PHIP: variants seen among roughly 807,000 people sequenced by gnomAD.
PHIP encodes PHIP subunit of CUL4-Ring ligase complex, also known as PH-interacting protein.
Under a neutral mutation model 236.8 loss-of-function variants are expected in PHIP, and 54 were observed. The observed-to-expected ratio is 0.23, with a 90% CI of 0.18 to 0.29. The LOEUF is 0.29. Ranked by LOEUF, PHIP falls within the 10% of genes least tolerant of loss-of-function variation. PHIP has a pLI of 1.00. For missense variants in PHIP, 1,370 were observed against 2,190.8 expected, an observed-to-expected ratio of 0.63 and a Z score of 7.48; for synonymous variants, 756 against 718.9, an observed-to-expected ratio of 1.05 and a Z score of -0.83.
At chr6:79,001,768 G>A in intron 17 of PHIP, 131 bp downstream of exon 17, 4 of 625,588 alleles carry the variant, frequency 6.4e-6, no homozygotes. Context: ...TCAAAGACCT[G>A]TATAAAAGTA....
chr6:79,056,130 A>G (rs1219546520), intron 6 of PHIP, among the ~76,000 whole-genome samples: 1 of 152,226 alleles, frequency 6.6e-6, no homozygotes, highest in Non-Finnish European at 1.5e-5. Context: ...CTAACAGTAT[A>G]GTAGAGGAAA....
chr6:79,054,002 C>T (rs1772932948), intron 6 of PHIP, among the ~76,000 whole-genome samples: 1 of 151,706 alleles, frequency 6.6e-6, no homozygotes, highest in Non-Finnish European at 1.5e-5. Context: ...CAAAGTTTTG[C>T]CCCCTTTTTT....
intron 6 of PHIP, among the ~76,000 whole-genome samples, chr6:79,057,526 A>G (rs767918407): frequency 6.6e-6 from 1 of 152,128 alleles, no homozygotes; most frequent in Non-Finnish European, 1.5e-5. Flanking sequence ...TTATTTAAAG[A>G]AAAACTACTA....
intron 6 of PHIP, among the ~76,000 whole-genome samples, chr6:79,051,535 AT>A (rs1772796927): frequency 6.6e-6 from 1 of 152,176 alleles, no homozygotes; most frequent in African/African-American, 2.4e-5. Context: ...TAGATATTCA[AT>A]TTTGGTGTGT....
intron 39 of PHIP, among the ~76,000 whole-genome samples, chr6:78,941,787 T>A (rs996529530): frequency 6.6e-6 from 1 of 152,192 alleles, no homozygotes; most frequent in Non-Finnish European, 1.5e-5. Flanking sequence ...TAGGAAATAC[T>A]GATTATATAT....
chr6:79,015,560 C>A, intron 14 of PHIP, 70 bp downstream of exon 14: 1 of 1,166,284 alleles, frequency 8.6e-7, no homozygotes, highest in East Asian at 2.4e-5. Context: ...AGACTTTATT[C>A]CTCAATGAGA....
intron 4 of PHIP, among the ~76,000 whole-genome samples, chr6:79,069,374 G>C (rs1233083161): frequency 6.6e-6 from 1 of 151,806 alleles, no homozygotes; most frequent in Non-Finnish European, 1.5e-5. Flanking sequence ...TGCATTTTCT[G>C]ATTTTTTAAC....
At chr6:79,014,246 T>C (rs895217275) in intron 15 of PHIP, among the ~76,000 whole-genome samples, 31 of 151,742 alleles carry the variant, frequency 2.0e-4, no homozygotes, top group African/African-American at 7.2e-4. Flanking sequence ...CAAACCATGT[T>C]TCACAACTGT....
In PHIP at chr6:78,945,377, G is replaced by A. The variant is rs1312790134; in HGVS notation, c.4751C>T (p.Pro1584Leu). 1 of 1,613,428 alleles carries A rather than the reference G, an allele frequency of 6.2e-7. No homozygotes were observed. Among genetic ancestry groups the A allele is most frequent in the Non-Finnish European group, 8.5e-7 (1 of 1,179,546 alleles). Reference protein sequence around the residue: ...SAKENMEKEKPVKRKMKSSVL... With the variant: ...SAKENMEKEKLVKRKMKSSVL... Reference sequence around the variant, plus strand: ...AGATGACTTCATTTTACGTTTGACTGGCTTTTCCTTTTCCATGTTTTCTTT... The same window carrying A: ...AGATGACTTCATTTTACGTTTGACTAGCTTTTCCTTTTCCATGTTTTCTTT... Residue 1584 changes from proline to leucine, a missense_variant, in exon 39 of 40, where the codon CCA (proline) becomes CTA (leucine). Around this residue, in one of 14 missense-constraint regions of PHIP, gnomAD observed 309 missense variants for 328.3 expected, o/e 0.94. Coordinates refer to ENST00000275034, the MANE Select transcript of PHIP (RefSeq NM_017934.7).
intron 7 of PHIP, among the ~76,000 whole-genome samples, chr6:79,034,276 T>C (rs1562196049): frequency 6.6e-6 from 1 of 152,196 alleles, no homozygotes; most frequent in Non-Finnish European, 1.5e-5. Context: ...ACGTCTGTAT[T>C]AGCATTTTTC....
intron 9 of PHIP, among the ~76,000 whole-genome samples, chr6:79,024,771 A>C (rs1242917552): frequency 1.3e-5 from 2 of 152,120 alleles, no homozygotes; most frequent in African/African-American, 4.8e-5. Flanking sequence ...CGACACTGCA[A>C]TCCAGCCTGG....
chr6:78,994,289 T>A (rs1277128769), intron 19 of PHIP, among the ~76,000 whole-genome samples: 2 of 152,092 alleles, frequency 1.3e-5, no homozygotes. Flanking sequence ...GAAAACTATA[T>A]GAACTTGGCC....
At chr6:79,040,407 C>T (rs935807697) in intron 7 of PHIP, among the ~76,000 whole-genome samples, 3 of 152,204 alleles carry the variant, frequency 2.0e-5, no homozygotes, top group Admixed American at 6.6e-5. Context: ...AATATATATA[C>T]ACAAATATCT....
Position 78,990,885 on chromosome 6 carries a change from T to C in PHIP, c.2302A>G (p.Ile768Val), listed in dbSNP as rs1167821156. 1 of 1,578,738 alleles carries C rather than the reference T, an allele frequency of 6.3e-7. No individual in the cohort carries two copies. The highest frequency in any genetic ancestry group is 1.4e-5 in the African/African-American group (1 of 74,046). The change falls in exon 20 of 40, where the codon ATA becomes GTA. Residue 768 changes from isoleucine to valine, a missense_variant. Ile to Val is a conservative substitution (Grantham distance 29). Transcript: ENST00000275034. ...ATATGTACCTTTGAGACAGTGGGTA[T>C]TTTATTCTCTTTTGGAACAGTTAAG... ...KHLTVPKENKIPTVSKNHAHE... is the reference protein window; with the variant it reads ...KHLTVPKENKVPTVSKNHAHE...
At chr6:79,027,584 A>G (rs984783649) in intron 7 of PHIP, among the ~76,000 whole-genome samples, 3 of 152,228 alleles carry the variant, frequency 2.0e-5, no homozygotes, top group Admixed American at 1.3e-4. Context: ...ATAAAGACAC[A>G]GTATTCTTGT....
At chr6:78,960,978 A>G (rs1291661284) in intron 31 of PHIP, among the ~76,000 whole-genome samples, 3 of 152,134 alleles carry the variant, frequency 2.0e-5, no homozygotes, top group East Asian at 1.9e-4. Context: ...CACAAATTAA[A>G]TTGTTGGACT....
chr6:79,051,292 T>G (rs1772782898), intron 6 of PHIP, among the ~76,000 whole-genome samples: 1 of 152,092 alleles, frequency 6.6e-6, no homozygotes, highest in Non-Finnish European at 1.5e-5. Flanking sequence ...TAATAGTAAC[T>G]ATAATGAATG....
rs141371824 is a variant in PHIP, at chr6:79,022,085, G to A, written c.924-2926C>T. On this transcript the variant is annotated intron_variant, in intron 9 of 39. Transcript: ENST00000275034. ...AAAAACAAGTAGCTACCCATAATTT[G>A]TTTTTAGATGCATTATTTGAGGAAA... is the stretch of plus-strand genomic sequence containing the variant. 6.2e-4 allele frequency among the ~76,000 whole-genome samples: 95 copies of A among 152,196 alleles called. 1 individual carries two copies. In the South Asian group the frequency reaches 7.9e-3, roughly 13 times the overall value.
intron 35 of PHIP, among the ~76,000 whole-genome samples, chr6:78,951,794 T>G (rs1399421353): frequency 1.3e-5 from 2 of 152,224 alleles, no homozygotes; most frequent in Non-Finnish European, 2.9e-5. Context: ...AAAAATTCAT[T>G]TGCCTATTGT....
Sources: gnomAD v4.1 joint callset for allele counts (sites outside exome capture counted in the v4.1 genomes callset) on GRCh38, gnomAD v4.1.1 for gene constraint, gnomAD v4.1.1 regional missense constraint, MANE v1.5 for transcripts, NCBI Gene and HGNC (gene_info 2026-07-23, HGNC 2026-07-21) for gene names.